The following PLEKHA7 variants were observed in gnomAD, a reference collection of about 807,000 sequenced individuals.
PLEKHA7 encodes pleckstrin homology domain-containing family A member 7.
A neutral mutation model predicts 170.0 loss-of-function variants in PLEKHA7; 104 were observed. The ratio of observed to expected loss-of-function variants is 0.61; its 90% CI spans 0.52 to 0.72. The LOEUF (loss-of-function observed/expected upper bound fraction) is 0.72, where lower values mean the gene tolerates loss of function less well. PLEKHA7 is among the 30% of genes least tolerant of loss of function. The pLI is 0.00. For missense variants in PLEKHA7, 1,615 were observed against 1,671.7 expected, an observed-to-expected ratio of 0.97 and a Z score of 0.59; for synonymous variants, 648 against 660.8, an observed-to-expected ratio of 0.98 and a Z score of 0.30.
rs11822407 is a variant in PLEKHA7, at chr11:17,008,739, A to C, written c.221+5250T>G. On this transcript the variant is annotated intron_variant, in intron 3 of 26. Coordinates refer to ENST00000531066, the MANE Select transcript of PLEKHA7 (RefSeq NM_001329630.2). ...AGCCTTGGCACAGGCAAGGTGGCTG[A>C]GCCCCTCTTCTCTGCCATCTCCTCA... 2.4e-3 allele frequency among the ~76,000 whole-genome samples: 366 copies of C among 152,274 alleles called. 9 individuals are homozygous for C. Among genetic ancestry groups the C allele is most frequent in the Admixed American group, 0.019 (294 of 15,304 alleles).
chr11:16,957,909 T>C (rs748439371), intron 3 of PLEKHA7, among the ~76,000 whole-genome samples: 129 of 152,066 alleles, frequency 8.5e-4, no homozygotes, highest in Admixed American at 2.4e-3. Context: ...TTCACCATGC[T>C]GGCCAACTTG....
chr11:16,823,355 C>T (rs1014838910), intron 10 of PLEKHA7, among the ~76,000 whole-genome samples: 1 of 152,086 alleles, frequency 6.6e-6, no homozygotes, highest in Non-Finnish European at 1.5e-5. Context: ...CACCCCAGAT[C>T]AACTACATCA....
chr11:16,791,335 G>T lies in PLEKHA7; in HGVS notation c.2746-136C>A. ...CACAGAACATGACTGCCTCAGCCAA[G>T]GAGCACTCACACTTCCCCTGGCGGA... On this transcript the variant is annotated intron_variant, in intron 19 of 26. Coordinates refer to ENST00000531066, the MANE Select transcript of PLEKHA7 (RefSeq NM_001329630.2). This position sits in a 1 kb window ranked among gnomAD's most constrained non-coding sequence, Gnocchi z 4.5. The T allele has an allele frequency of 1.2e-6, 1 of 802,664 alleles. No homozygotes were observed. The highest frequency in any genetic ancestry group is 2.0e-6 in the Non-Finnish European group (1 of 509,580). The allele number at this position is 802,664 out of a possible 1,614,324, so 49.7% of individuals were successfully genotyped here.
intron 3 of PLEKHA7, among the ~76,000 whole-genome samples, chr11:16,907,451 C>T (rs1225583730): frequency 8.2e-6 from 1 of 122,026 alleles, no homozygotes; most frequent in Non-Finnish European, 1.9e-5. Context: ...TCTGCCTGGC[C>T]GCCCCTACTG....
At position 16,817,366 on chromosome 11, in the gene PLEKHA7, T is replaced by G; in HGVS notation, c.1344-44A>C. On this transcript the variant is annotated intron_variant, in intron 10 of 26. Transcript: ENST00000531066. The surrounding 1 kb of genome is among the most constrained non-coding windows in gnomAD (Gnocchi z 4.4). Reference sequence around the variant, plus strand: ...AACGGGTCAGGCAACCAAGCGAGGGTTCTGCAGGCTTTGGGGAACATATCT... The same window carrying G: ...AACGGGTCAGGCAACCAAGCGAGGGGTCTGCAGGCTTTGGGGAACATATCT... 6.5e-7 allele frequency: 1 copy of G among 1,539,752 alleles called. No homozygotes were observed. Among genetic ancestry groups the G allele is most frequent in the East Asian group, 2.3e-5 (1 of 44,254 alleles).
Position 16,782,807 on chromosome 11 carries a change from TTGA to T in PLEKHA7, c.3737_3739del (p.Ile1246del). On this transcript the variant is annotated inframe_deletion, in exon 26 of 27. Coordinates refer to ENST00000531066, the MANE Select transcript of PLEKHA7 (RefSeq NM_001329630.2). Reference sequence around the variant, plus strand: ...CTCGGAGGCCAGGGCGTAGGAGATGTTGATGATGCGCTCCTGCTCCTGCAGCTG... The same window carrying T: ...CTCGGAGGCCAGGGCGTAGGAGATGTTGATGCGCTCCTGCTCCTGCAGCTG... The T allele has an allele frequency of 1.3e-6, 2 of 1,536,150 alleles. No individual in the cohort carries two copies. The highest frequency in any genetic ancestry group is 1.7e-6 in the Non-Finnish European group (2 of 1,146,910).
At chr11:16,888,220 C>G (rs439069) in intron 3 of PLEKHA7, among the ~76,000 whole-genome samples, 116,843 of 147,364 alleles carry the variant, frequency 0.79, 46,739 homozygotes, top group Non-Finnish European at 0.9. Flanking sequence ...TCTGGGAAGA[C>G]AGGAGCGCCT....
chr11:16,800,891 C>A (rs1379220916), intron 17 of PLEKHA7, 83 bp downstream of exon 17: 3 of 1,191,166 alleles, frequency 2.5e-6, no homozygotes, highest in Admixed American at 1.8e-5. Flanking sequence ...GCTCACAACC[C>A]CCACAGGTGA....
At position 16,826,371 on chromosome 11, in the gene PLEKHA7, C is replaced by T. The variant is rs763179890; in HGVS notation, c.1092G>A (p.Pro364=). The T allele has an allele frequency of 3.7e-5, 60 of 1,614,134 alleles. No individual in the cohort carries two copies. Among genetic ancestry groups the T allele is most frequent in the African/African-American group, 8.0e-5 (6 of 74,952 alleles). The change falls in exon 10 of 27, where the codon CCG becomes CCA. Residue 364 remains proline, a synonymous_variant. Coordinates refer to ENST00000531066, the MANE Select transcript of PLEKHA7 (RefSeq NM_001329630.2). ...AGGCATCCTCCTCGGCTGGCGAGTACGGAGACCTGGCCTTGCTCCGGTCCC... is the reference window on the plus strand; with the variant it reads ...AGGCATCCTCCTCGGCTGGCGAGTATGGAGACCTGGCCTTGCTCCGGTCCC... The part of the protein sequence containing the change: ...GKRDRSKARS[P]YSPAEEDALF...
chr11:16,779,676 A>G (rs1848877087), intron 26 of PLEKHA7, among the ~76,000 whole-genome samples: 2 of 152,284 alleles, frequency 1.3e-5, no homozygotes, highest in South Asian at 4.1e-4. Flanking sequence ...TCTTCCTCTC[A>G]TGCTCAGGCT....
intron 9 of PLEKHA7, among the ~76,000 whole-genome samples, chr11:16,833,858 C>T (rs1851307619): frequency 6.6e-6 from 1 of 152,156 alleles, no homozygotes. Context: ...CACACAAACC[C>T]ACAGAGCTAG....
At position 16,816,825 on chromosome 11, in the gene PLEKHA7, C is replaced by G; in HGVS notation, c.1841G>C (p.Arg614Thr). Reference protein sequence around the residue: ...SVDISLGDSPRRARGHAVKNS... With the variant: ...SVDISLGDSPTRARGHAVKNS... The stretch of plus-strand genomic sequence containing the variant: ...CTTGACAGCGTGGCCCCGTGCCCTC[C>G]TTGGAGAATCCCCCAGCGAGATGTC... The change falls in exon 11 of 27, where the codon AGG becomes ACG. Residue 614 changes from arginine (R) to threonine (T), a missense_variant. Physicochemically the swap from Arg to Thr is moderately conservative, Grantham distance 71. Transcript: ENST00000531066. 1 of 1,614,112 alleles carries G rather than the reference C, an allele frequency of 6.2e-7. No individual in the cohort carries two copies. Among genetic ancestry groups the G allele is most frequent in the Non-Finnish European group, 8.5e-7 (1 of 1,180,006 alleles).
intron 9 of PLEKHA7, among the ~76,000 whole-genome samples, chr11:16,831,863 C>A (rs1032590770): frequency 6.6e-6 from 1 of 152,200 alleles, no homozygotes; most frequent in African/African-American, 2.4e-5. Flanking sequence ...GTCTTCACTA[C>A]CCAGTAGGTA....
At chr11:16,877,518 A>G (rs1855392991) in intron 3 of PLEKHA7, among the ~76,000 whole-genome samples, 1 of 152,216 alleles carries the variant, frequency 6.6e-6, no homozygotes, top group Admixed American at 6.5e-5. Context: ...ACTTAATGCA[A>G]AGCATCATCA....
In PLEKHA7 at chr11:16,817,712, A is replaced by C. The variant is rs1258052123; in HGVS notation, c.1344-390T>G. Among the ~76,000 whole-genome samples the C allele has an allele frequency of 1.3e-5, 2 of 152,188 alleles. No individual in the cohort carries two copies. The highest frequency in any genetic ancestry group is 6.5e-5 in the Admixed American group (1 of 15,290). On this transcript the variant is annotated intron_variant, in intron 10 of 26. Coordinates refer to ENST00000531066, the MANE Select transcript of PLEKHA7 (RefSeq NM_001329630.2). This position sits in a 1 kb window ranked among gnomAD's most constrained non-coding sequence, Gnocchi z 4.4. ...TCTCTGCCTGGTATCCTTAGCACCA[A>C]GTTCCAGAGGTTCATAAAGGAAGTG...
At chr11:16,852,666 T>C (rs1355177832) in intron 6 of PLEKHA7, among the ~76,000 whole-genome samples, 1 of 152,228 alleles carries the variant, frequency 6.6e-6, no homozygotes, top group East Asian at 1.9e-4. Context: ...TTTTTGTTTG[T>C]TTGTTTCTTA....
chr11:16,781,480 G>C (rs1849019124), intron 26 of PLEKHA7, among the ~76,000 whole-genome samples: 1 of 152,088 alleles, frequency 6.6e-6, no homozygotes, highest in African/African-American at 2.4e-5. Context: ...CCCTCCCCAG[G>C]AGAAGCTCAA....
In PLEKHA7 at chr11:16,783,892, G is replaced by T. The variant is rs554954100; in HGVS notation, c.3517-59C>A. The T allele has an allele frequency of 7.4e-6, 10 of 1,348,810 alleles. No individual in the cohort carries two copies. In the South Asian group the frequency reaches 1.7e-4, roughly 22 times the overall value. The allele number at this position is 1,348,810 out of a possible 1,614,324, so 83.6% of individuals were successfully genotyped here. The stretch of plus-strand genomic sequence containing the variant: ...GCTCAGATGTCTGGGTTTAGGACTC[G>T]CTTTCCCCACCTCTGTCCCCTCCCA... On this transcript the variant is annotated intron_variant, in intron 24 of 26. Transcript: ENST00000531066.
intron 3 of PLEKHA7, among the ~76,000 whole-genome samples, chr11:16,878,266 C>T (rs1016988650): frequency 6.6e-6 from 1 of 152,164 alleles, no homozygotes. Flanking sequence ...AGCCTCCTAC[C>T]GGCTCTTTCT....
Sources: allele counts gnomAD v4.1 joint callset (sites outside exome capture counted in the v4.1 genomes callset), GRCh38; gene constraint gnomAD v4.1.1; non-coding constraint Gnocchi (gnomAD v3.1); transcripts MANE v1.5; gene names NCBI Gene and HGNC (gene_info 2026-07-23, HGNC 2026-07-21).